The following TRDN variants were observed in gnomAD, a reference collection of about 807,000 sequenced individuals.
TRDN encodes the protein triadin in skeletal muscle.
A neutral mutation model predicts 149.7 loss-of-function variants in TRDN; 161 were observed. That is an observed-to-expected ratio of 1.08 (90% CI 0.95 to 1.23). TRDN has a LOEUF of 1.23. Ranked by LOEUF, TRDN falls within the 50% of genes most tolerant of loss-of-function variation. TRDN has a pLI of 0.00. For missense variants in TRDN, 896 were observed against 823.5 expected (o/e 1.09, Z -1.08); for synonymous variants, 294 against 250.5 (o/e 1.17, Z -1.64).
chr6:123,237,025 A>G (rs1775811045), intron 38 of TRDN, among the ~76,000 whole-genome samples: 1 of 152,022 alleles, frequency 6.6e-6, no homozygotes, highest in African/African-American at 2.4e-5. Context: ...GAATCTTCCA[A>G]TTTATGAATA....
At chr6:123,470,433 T>C (rs1394417022) in intron 9 of TRDN, 1 of 152,056 alleles carries the variant, frequency 6.6e-6, no homozygotes, top group African/African-American at 2.4e-5. Flanking sequence ...GGGACAATGG[T>C]GAAGATAGGG....
At chr6:123,608,203 G>C (rs1176847270) in intron 1 of TRDN, among the ~76,000 whole-genome samples, 1 of 151,882 alleles carries the variant, frequency 6.6e-6, no homozygotes, top group Non-Finnish European at 1.5e-5. Flanking sequence ...CTTACTAACT[G>C]ATTGATTGGG....
intron 1 of TRDN, among the ~76,000 whole-genome samples, chr6:123,612,763 G>A (rs1208825661): frequency 6.6e-6 from 1 of 152,126 alleles, no homozygotes; most frequent in Non-Finnish European, 1.5e-5. Flanking sequence ...AAAATATTGA[G>A]TACCAGTGCG....
At chr6:123,333,574 C>T (rs1422900509) in intron 22 of TRDN, among the ~76,000 whole-genome samples, 1 of 152,072 alleles carries the variant, frequency 6.6e-6, no homozygotes, top group African/African-American at 2.4e-5. Context: ...CATTGATTCT[C>T]AGCATCCACT....
intron 24 of TRDN, among the ~76,000 whole-genome samples, chr6:123,314,337 C>T (rs1778944876): frequency 6.6e-6 from 1 of 151,836 alleles, no homozygotes; most frequent in African/African-American, 2.4e-5. Flanking sequence ...TTATTAAAGT[C>T]TAAAAGTAAC....
intron 1 of TRDN, among the ~76,000 whole-genome samples, chr6:123,610,589 CA>C (rs1384749877): frequency 6.6e-6 from 1 of 152,092 alleles, no homozygotes; most frequent in East Asian, 1.9e-4. Flanking sequence ...TATAAATGAA[CA>C]ATTGTATCTG....
At chr6:123,464,409 T>C (rs1350181823) in intron 10 of TRDN, 6 of 967,024 alleles carry the variant, frequency 6.2e-6, no homozygotes, top group Non-Finnish European at 4.9e-6. Flanking sequence ...TATATATATA[T>C]TTCAATCCTC....
At position 123,320,881 on chromosome 6, in the gene TRDN, C is replaced by T. The variant is rs183898694; in HGVS notation, c.1472-4386G>A. Among the ~76,000 whole-genome samples the T allele has an allele frequency of 4.6e-5, 7 of 151,004 alleles. No individual in the cohort carries two copies. In the East Asian group the frequency reaches 9.8e-4, roughly 21 times the overall value. On this transcript the variant is annotated intron_variant, in intron 23 of 40. Transcript: ENST00000334268. The stretch of plus-strand genomic sequence containing the variant: ...ATGAATCGTATTATATAGTTTCCTA[C>T]GTTGAGCTGGTAAAACTAAGCAGTC...
chr6:123,388,392 G>T, intron 14 of TRDN, 130 bp downstream of exon 14: 2 of 1,048,128 alleles, frequency 1.9e-6, no homozygotes, highest in Non-Finnish European at 2.9e-6. Context: ...GCACATTCAT[G>T]CAAAATGTAT....
chr6:123,597,143 A>G (rs999368972), intron 1 of TRDN, among the ~76,000 whole-genome samples: 2 of 152,124 alleles, frequency 1.3e-5, no homozygotes, highest in African/African-American at 2.4e-5. Context: ...AGGTCAAAAT[A>G]TCAACATTAT....
intron 12 of TRDN, 114 bp downstream of exon 12, chr6:123,437,949 G>T (rs1353410298): frequency 2.2e-6 from 2 of 908,474 alleles, no homozygotes. Flanking sequence ...TGACCTTCAC[G>T]TCTTGGGTAG....
chr6:123,385,874 G>A (rs1053317966), intron 14 of TRDN, among the ~76,000 whole-genome samples: 5 of 151,816 alleles, frequency 3.3e-5, no homozygotes, highest in African/African-American at 4.8e-5. Flanking sequence ...CACCTAAGAA[G>A]GACAGTCAAT....
At chr6:123,352,377 C>A in intron 21 of TRDN, 162 bp downstream of exon 21, 1 of 1,366,938 alleles carries the variant, frequency 7.3e-7, no homozygotes, top group Non-Finnish European at 9.4e-7. Flanking sequence ...ACCCAGATTG[C>A]TGTCTCACAT....
intron 12 of TRDN, among the ~76,000 whole-genome samples, chr6:123,394,840 C>T (rs530121005): frequency 3.7e-4 from 56 of 152,100 alleles, no homozygotes; most frequent in African/African-American, 1.2e-3. Flanking sequence ...TCAGTCTACC[C>T]TTGATATTTA....
intron 2 of TRDN, among the ~76,000 whole-genome samples, chr6:123,566,972 G>C (rs1782325733): frequency 1.3e-5 from 2 of 152,142 alleles, no homozygotes; most frequent in South Asian, 4.1e-4. Context: ...CCTATAATTA[G>C]ATTTTTAGAT....
chr6:123,278,923 C>T (rs756555136), intron 25 of TRDN, 133 bp downstream of exon 25: 73 of 745,766 alleles, frequency 9.8e-5, no homozygotes, highest in Middle Eastern at 4.1e-4. Flanking sequence ...ATTGTCTACA[C>T]AAAACAAGCC....
intron 1 of TRDN, among the ~76,000 whole-genome samples, chr6:123,608,726 G>A (rs567657611): frequency 6.5e-4 from 99 of 152,268 alleles, no homozygotes; most frequent in Non-Finnish European, 1.2e-3. Context: ...GAATATGGTT[G>A]TTAAAACTGG....
intron 24 of TRDN, among the ~76,000 whole-genome samples, chr6:123,293,326 A>G (rs1366973340): frequency 1.3e-5 from 2 of 152,122 alleles, no homozygotes; most frequent in Non-Finnish European, 2.9e-5. Flanking sequence ...TTGGACCTGA[A>G]AAATTGTGTA....
intron 20 of TRDN, among the ~76,000 whole-genome samples, chr6:123,362,094 T>C (rs1321603099): frequency 6.6e-6 from 1 of 152,208 alleles, no homozygotes; most frequent in African/African-American, 2.4e-5. Context: ...AATATTCTTC[T>C]GGCAGCCAGT....
Sources: gnomAD v4.1 joint callset for allele counts (sites outside exome capture counted in the v4.1 genomes callset) on GRCh38, gnomAD v4.1.1 for gene constraint, MANE v1.5 for transcripts, NCBI Gene and HGNC (gene_info 2026-07-23, HGNC 2026-07-21) for gene names.